CCDC85C: variants seen among roughly 807,000 people sequenced by gnomAD.
CCDC85C encodes the protein coiled-coil domain containing 85C, also known as coiled-coil domain-containing protein 85C.
CCDC85C carries 18 observed loss-of-function variants against 38.3 expected under a neutral mutation model. The observed-to-expected ratio is 0.47, with a 90% CI of 0.33 to 0.70. CCDC85C has a LOEUF of 0.70. Ranked by LOEUF, CCDC85C falls within the 30% of genes least tolerant of loss-of-function variation. The pLI is 0.03. For missense variants in CCDC85C, 566 were observed against 621.2 expected (o/e 0.91, Z 0.94); for synonymous variants, 264 against 293.8 (o/e 0.90, Z 1.04).
At chr14:99,554,333 C>A (rs1897971112) in intron 1 of CCDC85C, among the ~76,000 whole-genome samples, 1 of 152,214 alleles carries the variant, frequency 6.6e-6, no homozygotes, top group South Asian at 2.1e-4. Flanking sequence ...GGAGATACAC[C>A]CCCACCCAGC....
intron 1 of CCDC85C, among the ~76,000 whole-genome samples, chr14:99,598,833 T>C (rs1364099903): frequency 6.6e-6 from 1 of 152,224 alleles, no homozygotes; most frequent in Non-Finnish European, 1.5e-5. Flanking sequence ...TTGGAAGCTC[T>C]GAACAGAATG....
In CCDC85C at chr14:99,533,969, C is replaced by A. The variant is rs902392211; in HGVS notation, c.867+2046G>T. Among the ~76,000 whole-genome samples, 19 of 152,358 alleles carry A rather than the reference C, an allele frequency of 1.2e-4. No individual in the cohort carries two copies. Among genetic ancestry groups the A allele is most frequent in the African/African-American group, 4.3e-4 (18 of 41,590 alleles). ...TTTTCCAGTGGGACACTGTGGCCTG[C>A]AGGGGCCAAGGGATCAGGGACACTC... On this transcript the variant is annotated intron_variant, in intron 2 of 5. Transcript: ENST00000380243. The surrounding 1 kb of genome is among the most constrained non-coding windows in gnomAD (Gnocchi z 4.2).
In CCDC85C at chr14:99,511,861, AC is replaced by A. The variant is rs1407400966; in HGVS notation, c.*3384del. On this transcript the variant is annotated 3_prime_UTR_variant, in exon 6 of 6. Coordinates refer to ENST00000380243, the MANE Select transcript of CCDC85C (RefSeq NM_001144995.2). The stretch of plus-strand genomic sequence containing the variant: ...CTTTCCACTTCTGGCCTGTGATGAG[AC>A]AGAGGCAGCTGGAGGAGCAGCGGCC... The A allele has an allele frequency of 6.6e-6, 1 of 152,486 alleles. No homozygotes were observed. The highest frequency in any genetic ancestry group is 1.5e-5 in the Non-Finnish European group (1 of 68,062). The allele number at this position is 152,486 out of a possible 1,614,324, so 9.4% of individuals were successfully genotyped here.
rs2139929904 is a variant in CCDC85C, at chr14:99,544,702, TCTC to T, written c.794-8617_794-8615del. 6.6e-6 allele frequency among the ~76,000 whole-genome samples: 1 copy of T among 151,744 alleles called. No individual in the cohort carries two copies. The highest frequency in any genetic ancestry group is 1.5e-5 in the Non-Finnish European group (1 of 67,882). ...TGAACTCCATTATCCTTGACCCATC[TCTC>T]CTCCGAGACCTCGCCTCCAAGGGCA... On this transcript the variant is annotated intron_variant, in intron 1 of 5. Coordinates refer to ENST00000380243, the MANE Select transcript of CCDC85C (RefSeq NM_001144995.2). This position sits in a 1 kb window ranked among gnomAD's most constrained non-coding sequence, Gnocchi z 5.3.
chr14:99,565,019 A>G (rs1191498645), intron 1 of CCDC85C, among the ~76,000 whole-genome samples: 1 of 151,916 alleles, frequency 6.6e-6, no homozygotes, highest in Non-Finnish European at 1.5e-5. Flanking sequence ...GGGGACGCAG[A>G]CCCTCTCCCG....
rs1595315498 is a variant in CCDC85C at position 99,501,586 on chromosome 14, G to A, written c.*13660C>T. ...CGTCCAGGTCATCTGCTTCCCGGCA[G>A]AGGGTTTCCTTCTGCCCTGCCGTGT... On this transcript the variant is annotated 3_prime_UTR_variant, in exon 6 of 6. Coordinates refer to ENST00000380243, the MANE Select transcript of CCDC85C (RefSeq NM_001144995.2). 3 of 584,496 alleles carry A rather than the reference G, an allele frequency of 5.1e-6. No homozygotes were observed. The East Asian group carries it at 8.6e-5, about 17-fold the overall frequency. The allele number at this position is 584,496 out of a possible 1,614,324, so 36.2% of individuals were successfully genotyped here. A position where few individuals can be genotyped will look rare whatever the true frequency, so the allele number is the denominator to read the frequency against.
chr14:99,562,024 C>T (rs1312645653), intron 1 of CCDC85C, among the ~76,000 whole-genome samples: 1 of 152,182 alleles, frequency 6.6e-6, no homozygotes, highest in African/African-American at 2.4e-5. Context: ...GGAACACCTG[C>T]TTCCTTCAGC....
At chr14:99,550,426 A>G (rs796138396) in intron 1 of CCDC85C, among the ~76,000 whole-genome samples, 1 of 152,182 alleles carries the variant, frequency 6.6e-6, no homozygotes, top group African/African-American at 2.4e-5. Context: ...AAGGGAACGC[A>G]GCCCTGCTGA....
chr14:99,603,887 G>A lies in CCDC85C; in HGVS notation c.73C>T (p.Arg25Cys), dbSNP rs1292380896. Reference sequence around the variant, plus strand: ...CGCGCCAGCTCCTCCTTGCTCCAGCGCAGCAGCTCCTCGTCCGGCACCTGG... The same window carrying A: ...CGCGCCAGCTCCTCCTTGCTCCAGCACAGCAGCTCCTCGTCCGGCACCTGG... ...LSQVPDEELL[R>C]WSKEELARRL... The change falls in exon 1 of 6, where the codon CGC becomes TGC. Residue 25 changes from arginine to cysteine, a missense_variant. Arg to Cys is a radical substitution (Grantham distance 180). This residue lies in a region of CCDC85C where 269 missense variants were observed against 308.2 expected (regional missense o/e 0.87). Transcript: ENST00000380243. This position sits in a 1 kb window ranked among gnomAD's most constrained non-coding sequence, Gnocchi z 7.5. 1.3e-6 allele frequency: 2 copies of A among 1,497,236 alleles called. 1 individual carries two copies. The highest frequency in any genetic ancestry group is 2.5e-5 in the South Asian group (2 of 80,152). 92.7% of individuals were successfully genotyped at this position (1,497,236 alleles called of 1,614,324 possible).
chr14:99,552,771 G>T (rs1897936438), intron 1 of CCDC85C, among the ~76,000 whole-genome samples: 2 of 152,360 alleles, frequency 1.3e-5, no homozygotes, highest in Non-Finnish European at 2.9e-5. Context: ...ATCGCCCTTT[G>T]GACCCAAGGT....
At chr14:99,601,299 C>T (rs2055196066) in intron 1 of CCDC85C, among the ~76,000 whole-genome samples, 1 of 152,166 alleles carries the variant, frequency 6.6e-6, no homozygotes, top group Non-Finnish European at 1.5e-5. Flanking sequence ...TGTGGGAAAC[C>T]CTATACTTCA....
At chr14:99,591,901 AT>A (rs1355596052) in intron 1 of CCDC85C, among the ~76,000 whole-genome samples, 1 of 151,612 alleles carries the variant, frequency 6.6e-6, no homozygotes, top group East Asian at 1.9e-4. Context: ...TGCCCAGCTA[AT>A]TTTGTATTTT....
intron 1 of CCDC85C, among the ~76,000 whole-genome samples, chr14:99,587,035 G>A (rs990548321): frequency 2.6e-5 from 4 of 152,300 alleles, no homozygotes; most frequent in Admixed American, 2.0e-4. Flanking sequence ...CCAAGGTCCC[G>A]GCCAGGCCCA....
chr14:99,562,211 G>C (rs954858186), intron 1 of CCDC85C, among the ~76,000 whole-genome samples: 1 of 152,080 alleles, frequency 6.6e-6, no homozygotes, highest in Non-Finnish European at 1.5e-5. Context: ...CTCTGCCCCC[G>C]GGCCTATGCA....
chr14:99,541,455 G>A (rs1007123836), intron 1 of CCDC85C, among the ~76,000 whole-genome samples: 5 of 152,212 alleles, frequency 3.3e-5, no homozygotes, highest in Non-Finnish European at 7.3e-5. Context: ...ATCTCAGGTT[G>A]GGTGCAGACT....
At chr14:99,564,303 T>C (rs55977094) in intron 1 of CCDC85C, among the ~76,000 whole-genome samples, 70,214 of 152,018 alleles carry the variant, frequency 0.46, 16,496 homozygotes, top group Middle Eastern at 0.52. Flanking sequence ...TGCACTCTCC[T>C]CCTTGCACCC....
Position 99,548,283 on chromosome 14 carries a change from T to C in CCDC85C, c.794-12195A>G, listed in dbSNP as rs1026969051. On this transcript the variant is annotated intron_variant, in intron 1 of 5. Coordinates refer to ENST00000380243, the MANE Select transcript of CCDC85C (RefSeq NM_001144995.2). The surrounding 1 kb of genome is among the most constrained non-coding windows in gnomAD (Gnocchi z 4.9). Reference sequence around the variant, plus strand: ...AGAGCCACAAAAGACGAATCCTGGATAGCCAAGAAGTCTGTGAGGAGACGC... The same window carrying C: ...AGAGCCACAAAAGACGAATCCTGGACAGCCAAGAAGTCTGTGAGGAGACGC... Among the ~76,000 whole-genome samples the C allele has an allele frequency of 1.3e-5, 2 of 152,118 alleles. No individual in the cohort carries two copies. Among genetic ancestry groups the C allele is most frequent in the Non-Finnish European group, 2.9e-5 (2 of 68,034 alleles).
At chr14:99,529,435 C>T (rs1196713003) in intron 2 of CCDC85C, among the ~76,000 whole-genome samples, 1 of 152,158 alleles carries the variant, frequency 6.6e-6, no homozygotes, top group Non-Finnish European at 1.5e-5. Flanking sequence ...TGAAGTTTCA[C>T]TCTGTCACCC....
intron 2 of CCDC85C, chr14:99,534,886 T>A (rs1050300164): frequency 1.6e-6 from 1 of 608,706 alleles, no homozygotes; most frequent in Non-Finnish European, 2.9e-6. Flanking sequence ...AGAGCTTGGC[T>A]GTGCACTTGC....
Sources: gnomAD v4.1 joint callset for allele counts (sites outside exome capture counted in the v4.1 genomes callset) on GRCh38, gnomAD v4.1.1 for gene constraint, gnomAD v4.1.1 regional missense constraint, Gnocchi (gnomAD v3.1) non-coding constraint, MANE v1.5 for transcripts, NCBI Gene and HGNC (gene_info 2026-07-23, HGNC 2026-07-21) for gene names.